The following KNL1 variants were observed in gnomAD, a reference collection of about 807,000 sequenced individuals.
KNL1 encodes the protein kinetochore scaffold 1, also known as outer kinetochore KNL1 complex subunit KNL1.
A neutral mutation model predicts 201.3 loss-of-function variants in KNL1; 66 were observed. That is an observed-to-expected ratio of 0.33 (90% CI 0.27 to 0.40). KNL1 has a LOEUF of 0.40. Ranked by LOEUF, KNL1 falls within the 10% of genes least tolerant of loss-of-function variation. KNL1 has a pLI of 1.00. For missense variants in KNL1, 2,815 were observed against 2,690.5 expected, an observed-to-expected ratio of 1.05 and a Z score of -1.02; for synonymous variants, 895 against 899.2, an observed-to-expected ratio of 1.00 and a Z score of 0.08.
rs1281992939 is a variant in KNL1, at chr15:40,650,295, C to G, written c.6095-6C>G. ...GAATTATTCTAACAAATACTGTCTA[C>G]TTTAGAAACTAAGAATTTGGAGGAT... is the stretch of plus-strand genomic sequence containing the variant. On this transcript the variant is annotated splice_polypyrimidine_tract_variant and splice_region_variant and intron_variant, in intron 17 of 25. Transcript: ENST00000399668. 1 of 1,575,726 alleles carries G rather than the reference C, an allele frequency of 6.3e-7. No individual in the cohort carries two copies. Among genetic ancestry groups the G allele is most frequent in the Admixed American group, 1.7e-5 (1 of 59,566 alleles).
chr15:40,629,323 G>C lies in KNL1; in HGVS notation c.5634G>C (p.Gln1878His). The C allele has an allele frequency of 6.2e-7, 1 of 1,605,178 alleles. No homozygotes were observed. The highest frequency in any genetic ancestry group is 8.5e-7 in the Non-Finnish European group (1 of 1,178,182). ...ITIREFFILL[Q>H]VHILIQKPRQ... ...TAAGGGAGTTCTTTATACTTCTCCAGGTCCACATCTTGATACAGAAACCCC... is the reference window on the plus strand; with the variant it reads ...TAAGGGAGTTCTTTATACTTCTCCACGTCCACATCTTGATACAGAAACCCC... The change falls in exon 13 of 26, where the codon CAG becomes CAC. Residue 1878 changes from glutamine to histidine, a missense_variant. Transcript: ENST00000399668.
chr15:40,625,098 T>A lies in KNL1; in HGVS notation c.4834T>A (p.Ser1612Thr). 3 of 1,613,820 alleles carry A rather than the reference T, an allele frequency of 1.9e-6. No homozygotes were observed. The highest frequency in any genetic ancestry group is 2.5e-6 in the Non-Finnish European group (3 of 1,179,912). Residue 1612 changes from serine (S) to threonine (T), a missense_variant, in exon 10 of 26, where the codon TCC (serine) becomes ACC (threonine). Coordinates refer to ENST00000399668, the MANE Select transcript of KNL1 (RefSeq NM_144508.5). ...ATEIHNINII[S>T]SNAKDSRDEE... is the part of the protein sequence containing the mutation. ...AGAAATACATAATATTAACATAATC[T>A]CCAGCAATGCTAAAGATAGTAGAGA...
At chr15:40,649,906 T>G (rs775279877) in intron 17 of KNL1, among the ~76,000 whole-genome samples, 14 of 152,208 alleles carry the variant, frequency 9.2e-5, no homozygotes, top group Admixed American at 2.0e-4. Flanking sequence ...ACTTGTATTA[T>G]AGTTATTTTG....
At position 40,622,640 on chromosome 15, in the gene KNL1, C is replaced by A; in HGVS notation, c.2376C>A (p.Gly792=). 2 of 1,594,950 alleles carry A rather than the reference C, an allele frequency of 1.3e-6. No individual in the cohort carries two copies. The highest frequency in any genetic ancestry group is 1.7e-6 in the Non-Finnish European group (2 of 1,172,560). ...AAACTAATTTAGAACACACTACTGG[C>A]CAGCTAACAACAATGAACAGACAGA... The part of the protein sequence containing the change: ...LGKTNLEHTT[G]QLTTMNRQIA... Residue 792 remains glycine (G), a synonymous_variant, in exon 10 of 26, where the codon GGC becomes GGA. Coordinates refer to ENST00000399668, the MANE Select transcript of KNL1 (RefSeq NM_144508.5).
chr15:40,626,168 T>A (rs1399396586), intron 10 of KNL1: 1 of 152,320 alleles, frequency 6.6e-6, no homozygotes. Flanking sequence ...TTATTTTATT[T>A]TTGAGACAGA....
intron 18 of KNL1, 40 bp downstream of exon 18, chr15:40,650,418 A>T: frequency 6.4e-7 from 1 of 1,571,606 alleles, no homozygotes; most frequent in Non-Finnish European, 8.7e-7. Flanking sequence ...GTGTGGGGGA[A>T]GCCCTTCTGT....
chr15:40,622,576 T>C lies in KNL1; in HGVS notation c.2312T>C (p.Val771Ala), dbSNP rs1423847615. Residue 771 changes from valine (V) to alanine (A), a missense_variant, in exon 10 of 26, where the codon GTC (valine) becomes GCC (alanine). Val to Ala is a moderately conservative substitution (Grantham distance 64, BLOSUM62 0). Around this residue, in one of 3 missense-constraint regions of KNL1, gnomAD observed 2,464 missense variants for 2,291.7 expected, o/e 1.08. Coordinates refer to ENST00000399668, the MANE Select transcript of KNL1 (RefSeq NM_144508.5). ...GATCTAACAAAGAGCCACACTGTCG[T>C]CATTGGATTTGGTCCTTCTGAACTA... ...NMDLTKSHTV[V>A]IGFGPSELQE... The C allele has an allele frequency of 6.2e-7, 1 of 1,612,078 alleles. No homozygotes were observed. Among genetic ancestry groups the C allele is most frequent in the East Asian group, 2.2e-5 (1 of 44,860 alleles).
chr15:40,626,108 A>G (rs1482450058), intron 10 of KNL1: 1 of 152,330 alleles, frequency 6.6e-6, no homozygotes, highest in Non-Finnish European at 1.5e-5. Context: ...TGACAAGGAT[A>G]TGTAGAAGTT....
At chr15:40,595,474 G>A (rs1891594885) in intron 1 of KNL1, among the ~76,000 whole-genome samples, 1 of 152,216 alleles carries the variant, frequency 6.6e-6, no homozygotes, top group Non-Finnish European at 1.5e-5. Context: ...TAAAGGTTAG[G>A]GTCAAAGCAG....
chr15:40,615,489 G>C (rs1892309317), intron 8 of KNL1, 111 bp downstream of exon 8: 1 of 172,444 alleles, frequency 5.8e-6, no homozygotes, highest in Non-Finnish European at 9.7e-6. Flanking sequence ...GCAAACAGAG[G>C]CCAGGCACGG....
chr15:40,599,605 A>G (rs1358740708), intron 1 of KNL1, among the ~76,000 whole-genome samples: 2 of 151,300 alleles, frequency 1.3e-5, no homozygotes, highest in African/African-American at 2.4e-5. Flanking sequence ...GCCCCTTTGG[A>G]CTCCTGAGCT....
intron 13 of KNL1, among the ~76,000 whole-genome samples, chr15:40,630,721 T>C (rs980848980): frequency 1.3e-5 from 2 of 152,192 alleles, no homozygotes; most frequent in Non-Finnish European, 2.9e-5. Flanking sequence ...CACCCCGAGA[T>C]GGGACCCTCT....
At chr15:40,634,854 T>A (rs1167958333) in intron 13 of KNL1, among the ~76,000 whole-genome samples, 2 of 152,104 alleles carry the variant, frequency 1.3e-5, no homozygotes. Context: ...AATCTTCCCC[T>A]TTCCTCCCAG....
chr15:40,664,180 CT>C lies in KNL1; in HGVS notation c.*1998del. 1 of 182,316 alleles carries C rather than the reference CT, an allele frequency of 5.5e-6. No individual in the cohort carries two copies. Among genetic ancestry groups the C allele is most frequent in the Non-Finnish European group, 1.2e-5 (1 of 85,638 alleles). The allele number at this position is 182,316 out of a possible 1,614,324, so 11.3% of individuals were successfully genotyped here. A position where few individuals can be genotyped will look rare whatever the true frequency, so the allele number is the denominator to read the frequency against. ...ATTTGGCTTGTAATGACGGTCTCTG[CT>C]TTTTTGGGTTTGGAGTACACAATTG... On this transcript the variant is annotated 3_prime_UTR_variant, in exon 26 of 26. Transcript: ENST00000399668.
Position 40,657,033 on chromosome 15 carries a change from C to A in KNL1, c.6485-9C>A. 1 of 1,418,866 alleles carries A rather than the reference C, an allele frequency of 7.0e-7. No individual in the cohort carries two copies. Among genetic ancestry groups the A allele is most frequent in the Non-Finnish European group, 9.5e-7 (1 of 1,050,386 alleles). 87.9% of individuals were successfully genotyped at this position (1,418,866 alleles called of 1,614,324 possible). A position where few individuals can be genotyped will look rare whatever the true frequency, so the allele number is the denominator to read the frequency against. ...TAACCTGCTTTTGCTTTTTTTTTTC[C>A]TTCCCCAGAGGATCAAGCTCCTCCT... On this transcript the variant is annotated splice_polypyrimidine_tract_variant and intron_variant, in intron 22 of 25. Transcript: ENST00000399668.
At chr15:40,640,098 CTT>C (rs544723388) in intron 13 of KNL1, among the ~76,000 whole-genome samples, 3 of 124,494 alleles carry the variant, frequency 2.4e-5, no homozygotes, top group Middle Eastern at 3.9e-3. Flanking sequence ...TTTTTCTTTT[CTT>C]TTTTTTTTTT....
intron 3 of KNL1, among the ~76,000 whole-genome samples, chr15:40,605,822 A>G (rs572171820): frequency 1.3e-5 from 2 of 152,332 alleles, no homozygotes; most frequent in East Asian, 3.9e-4. Context: ...CTTTAGGCAC[A>G]CTTACTGACC....
Position 40,622,740 on chromosome 15 carries a change from G to A in KNL1, c.2476G>A (p.Asp826Asn). ...SGVLKSNCIM[D>N]VLEDESVQKP... ...AGTGCTTAAATCTAACTGTATTATG[G>A]ATGTGTTAGAGGACGAAAGTGTACA... The change falls in exon 10 of 26, where the codon GAT becomes AAT. Residue 826 changes from aspartate (D) to asparagine (N), a missense_variant. Asp to Asn is a conservative substitution (Grantham distance 23). Coordinates refer to ENST00000399668, the MANE Select transcript of KNL1 (RefSeq NM_144508.5). 6.2e-7 allele frequency: 1 copy of A among 1,602,206 alleles called. No individual in the cohort carries two copies. The highest frequency in any genetic ancestry group is 8.5e-7 in the Non-Finnish European group (1 of 1,175,854).
intron 13 of KNL1, 149 bp from the exon 14 acceptor site, chr15:40,640,763 A>G (rs1595938652): frequency 7.0e-6 from 4 of 571,328 alleles, no homozygotes; most frequent in East Asian, 3.2e-5. Context: ...TCAGATTCCA[A>G]TTTTTTGTTT....
Sources: gnomAD v4.1 joint callset for allele counts (sites outside exome capture counted in the v4.1 genomes callset) on GRCh38, gnomAD v4.1.1 for gene constraint, gnomAD v4.1.1 regional missense constraint, MANE v1.5 for transcripts, NCBI Gene and HGNC (gene_info 2026-07-23, HGNC 2026-07-21) for gene names.